Variants in TMEM51 observed in about 807,000 individuals in gnomAD.
TMEM51 encodes the protein transmembrane protein 51, also known as chromosome 1 open reading frame 72.
TMEM51 carries 8 observed loss-of-function variants against 13.6 expected under a neutral mutation model. The observed-to-expected ratio is 0.59, with a 90% CI of 0.35 to 1.07. The LOEUF (loss-of-function observed/expected upper bound fraction) is 1.07, where lower values mean the gene tolerates loss of function less well. Ranked by LOEUF, TMEM51 falls within the 50% of genes least tolerant of loss-of-function variation. TMEM51 has a pLI of 0.02. For missense variants in TMEM51, 279 were observed against 330.7 expected, an observed-to-expected ratio of 0.84 and a Z score of 1.21; for synonymous variants, 147 against 144.4, an observed-to-expected ratio of 1.02 and a Z score of -0.13.
chr1:15,187,483 C>T (rs1488419261), intron 1 of TMEM51, among the ~76,000 whole-genome samples: 1 of 152,196 alleles, frequency 6.6e-6, no homozygotes, highest in African/African-American at 2.4e-5. Flanking sequence ...GGTCCTAGTA[C>T]CATGCCCGGC....
At position 15,214,952 on chromosome 1, in the gene TMEM51, CAGG is replaced by C. The variant is rs1644402396; in HGVS notation, c.-133_-131del. On this transcript the variant is annotated 5_prime_UTR_variant, in exon 3 of 4. Transcript: ENST00000376008. ...CTCGCGATTGCTCGGAACCATCCCG[CAGG>C]AGTTCAGCTGATATTTTCTAGTGTG... is the stretch of plus-strand genomic sequence containing the variant. The C allele has an allele frequency of 3.5e-6, 3 of 863,952 alleles. No individual in the cohort carries two copies. Among genetic ancestry groups the C allele is most frequent in the Admixed American group, 2.8e-5 (1 of 35,588 alleles). The allele number at this position is 863,952 out of a possible 1,614,324, so 53.5% of individuals were successfully genotyped here.
chr1:15,200,407 CAAAAAAAAA>C (rs55755539), intron 1 of TMEM51, among the ~76,000 whole-genome samples: 22 of 67,970 alleles, frequency 3.2e-4, no homozygotes, highest in East Asian at 2.2e-3. Context: ...GACTCTGTCT[CAAAAAAAAA>C]AAAAAAAAAA....
chr1:15,196,904 G>A (rs1644061560), intron 1 of TMEM51, among the ~76,000 whole-genome samples: 1 of 152,110 alleles, frequency 6.6e-6, no homozygotes, highest in African/African-American at 2.4e-5. Context: ...GGCATTCTAG[G>A]ACTCTTTCAA....
intron 1 of TMEM51, among the ~76,000 whole-genome samples, chr1:15,165,536 A>G (rs7540957): frequency 0.6 from 91,671 of 152,022 alleles, 28,351 homozygotes; most frequent in East Asian, 0.92. Flanking sequence ...GTCTGAAAAC[A>G]CAGGCCCAAA....
chr1:15,155,983 C>T (rs1331028269), intron 1 of TMEM51, among the ~76,000 whole-genome samples: 1 of 152,066 alleles, frequency 6.6e-6, no homozygotes, highest in Admixed American at 6.6e-5. Context: ...GAGAGGCTGG[C>T]CTGTGGGTTG....
chr1:15,186,261 T>C (rs761296), intron 1 of TMEM51, among the ~76,000 whole-genome samples: 81,629 of 152,134 alleles, frequency 0.54, 22,389 homozygotes, highest in East Asian at 0.64. Context: ...AGGAAGTAAC[T>C]GGATAGAAAA....
At chr1:15,193,640 C>T (rs1445202683) in intron 1 of TMEM51, among the ~76,000 whole-genome samples, 1 of 140,568 alleles carries the variant, frequency 7.1e-6, no homozygotes, top group Non-Finnish European at 1.5e-5. Flanking sequence ...TGCAGTGGCA[C>T]GGTCTCGGCT....
At chr1:15,217,409 T>G (rs1411887810) in intron 3 of TMEM51, among the ~76,000 whole-genome samples, 1 of 152,150 alleles carries the variant, frequency 6.6e-6, no homozygotes, top group Admixed American at 6.5e-5. Flanking sequence ...TTAAACTCAT[T>G]TTCTGATAGC....
intron 1 of TMEM51, among the ~76,000 whole-genome samples, chr1:15,172,697 CA>C (rs1643326565): frequency 6.6e-6 from 1 of 152,188 alleles, no homozygotes; most frequent in Non-Finnish European, 1.5e-5. Flanking sequence ...TTCAGTTACC[CA>C]TAGCCAACTA....
In TMEM51 at chr1:15,165,789, C is replaced by T. The variant is rs1210729386; in HGVS notation, c.-267+11835C>T. The stretch of plus-strand genomic sequence containing the variant: ...AAGTGGTCCTCAACCACTAAAAATT[C>T]CAGTATTGATGAATACTGATGATAC... On this transcript the variant is annotated intron_variant, in intron 1 of 3. Coordinates refer to ENST00000376008, the MANE Select transcript of TMEM51 (RefSeq NM_001136218.2). Among the ~76,000 whole-genome samples, 7 of 152,224 alleles carry T rather than the reference C, an allele frequency of 4.6e-5. No individual in the cohort carries two copies. In the South Asian group the frequency reaches 8.3e-4, roughly 18 times the overall value.
intron 1 of TMEM51, among the ~76,000 whole-genome samples, chr1:15,178,714 C>T (rs1466665424): frequency 6.6e-6 from 1 of 152,208 alleles, no homozygotes; most frequent in Non-Finnish European, 1.5e-5. Context: ...CTAAAACCAT[C>T]CAGACAGACC....
chr1:15,214,426 G>T (rs1644390996), intron 2 of TMEM51, among the ~76,000 whole-genome samples: 1 of 152,160 alleles, frequency 6.6e-6, no homozygotes, highest in African/African-American at 2.4e-5. Context: ...GAAGTAGGGA[G>T]CCATTGAGGG....
chr1:15,165,648 G>C (rs1415644089), intron 1 of TMEM51, among the ~76,000 whole-genome samples: 4 of 152,160 alleles, frequency 2.6e-5, no homozygotes, highest in Admixed American at 6.5e-5. Context: ...ACAATTTATG[G>C]TTGTATACGG....
At chr1:15,213,395 A>T (rs1644372611) in intron 2 of TMEM51, among the ~76,000 whole-genome samples, 1 of 152,250 alleles carries the variant, frequency 6.6e-6, no homozygotes, top group South Asian at 2.1e-4. Context: ...CTGGTCAGTC[A>T]TCCTTTCGGA....
intron 1 of TMEM51, among the ~76,000 whole-genome samples, chr1:15,203,107 GC>G (rs1434617256): frequency 6.6e-6 from 1 of 152,168 alleles, no homozygotes; most frequent in East Asian, 1.9e-4. Context: ...AAAGTGCTGG[GC>G]AGGCTCCTGA....
At chr1:15,211,755 G>A (rs191739231) in intron 2 of TMEM51, among the ~76,000 whole-genome samples, 1 of 145,652 alleles carries the variant, frequency 6.9e-6, no homozygotes, top group East Asian at 2.1e-4. Context: ...GAAATAGAAA[G>A]TAAAGGGTAC....
At chr1:15,181,853 G>C (rs1643625847) in intron 1 of TMEM51, among the ~76,000 whole-genome samples, 1 of 152,108 alleles carries the variant, frequency 6.6e-6, no homozygotes, top group Admixed American at 6.6e-5. Context: ...ACGAGGGCTG[G>C]TTTATAAATT....
chr1:15,184,666 G>A (rs191053517), intron 1 of TMEM51, among the ~76,000 whole-genome samples: 8 of 152,204 alleles, frequency 5.3e-5, no homozygotes, highest in African/African-American at 1.2e-4. Context: ...GGAAGTAGGT[G>A]GATTTGAAAC....
chr1:15,164,561 G>T (rs1642917251), intron 1 of TMEM51: 1 of 438,296 alleles, frequency 2.3e-6, no homozygotes, highest in Non-Finnish European at 4.6e-6. Context: ...ACTTGGTTAA[G>T]GTGGTGTCTG....
Sources: allele counts gnomAD v4.1 joint callset (sites outside exome capture counted in the v4.1 genomes callset), GRCh38; gene constraint gnomAD v4.1.1; transcripts MANE v1.5; gene names NCBI Gene and HGNC (gene_info 2026-07-23, HGNC 2026-07-21).